The following PGBD5 variants were observed in gnomAD, a reference collection of about 807,000 sequenced individuals.
The protein encoded by PGBD5 is piggyBac transposable element derived 5.
A neutral mutation model predicts 47.9 loss-of-function variants in PGBD5; 14 were observed. The ratio of observed to expected loss-of-function variants is 0.29; its 90% CI spans 0.19 to 0.46. The LOEUF is 0.46. PGBD5 is among the 20% of genes least tolerant of loss of function. The pLI, the probability that PGBD5 is intolerant of heterozygous loss-of-function variation, is 1.00. For synonymous variants in PGBD5, 316 were observed against 306.3 expected, an observed-to-expected ratio of 1.03 and a Z score of -0.33; for missense variants, 635 against 716.0, an observed-to-expected ratio of 0.89 and a Z score of 1.29.
intron 1 of PGBD5, among the ~76,000 whole-genome samples, chr1:230,381,976 T>A (rs1558205972): frequency 6.6e-6 from 1 of 152,042 alleles, no homozygotes; most frequent in Non-Finnish European, 1.5e-5. Flanking sequence ...TTCACAGCTT[T>A]AAAAAAAATT....
chr1:230,334,002 C>T (rs1667263936), intron 4 of PGBD5, among the ~76,000 whole-genome samples: 1 of 152,252 alleles, frequency 6.6e-6, no homozygotes, highest in Admixed American at 6.5e-5. Context: ...GGAGCAGTCT[C>T]AGCCTTTACT....
Position 230,314,551 on chromosome 1 carries a change from G to A in PGBD5, c.*8874C>T, listed in dbSNP as rs1016096233. The A allele has an allele frequency of 2.2e-5, 3 of 137,124 alleles. No individual in the cohort carries two copies. Among genetic ancestry groups the A allele is most frequent in the Non-Finnish European group, 3.1e-5 (2 of 64,192 alleles). The allele number at this position is 137,124 out of a possible 1,614,324, so 8.5% of individuals were successfully genotyped here. On this transcript the variant is annotated 3_prime_UTR_variant, in exon 7 of 7. Coordinates refer to ENST00000391860, the MANE Select transcript of PGBD5 (RefSeq NM_001258311.2). Reference sequence around the variant, plus strand: ...TAAACAAACTTGGTTGAAGAAATAAGAACCACATGACAAAATGCTTGAATT... The same window carrying A: ...TAAACAAACTTGGTTGAAGAAATAAAAACCACATGACAAAATGCTTGAATT...
intron 1 of PGBD5, among the ~76,000 whole-genome samples, chr1:230,380,590 G>A (rs1052167705): frequency 3.3e-5 from 5 of 152,230 alleles, no homozygotes; most frequent in Non-Finnish European, 7.3e-5. Flanking sequence ...CTGTGCATCT[G>A]CAGGAAGGAG....
At chr1:230,404,764 C>A (rs1417932948) in intron 1 of PGBD5, among the ~76,000 whole-genome samples, 1 of 151,194 alleles carries the variant, frequency 6.6e-6, no homozygotes, top group African/African-American at 2.4e-5. Flanking sequence ...GAAATCCCGC[C>A]TCTACCAAAA....
Position 230,425,767 on chromosome 1 carries a change from G to C in PGBD5, c.162C>G (p.Ser54=), listed in dbSNP as rs1657764674. Residue 54 remains serine, a synonymous_variant, in exon 1 of 7, where the codon TCC becomes TCG. Coordinates refer to ENST00000391860, the MANE Select transcript of PGBD5 (RefSeq NM_001258311.2). The surrounding 1 kb of genome is among the most constrained non-coding windows in gnomAD (Gnocchi z 4.7). ...CGTCGTCCGAGGAGGCGGCCGAGGA[G>C]GAGCGCGAGGCGGCCGAGGTGCTGT... The part of the protein sequence containing the change: ...PFYSTSAASR[S]SSAASSDDER... 2.5e-6 allele frequency: 3 copies of C among 1,207,550 alleles called. No homozygotes were observed. Among genetic ancestry groups the C allele is most frequent in the Non-Finnish European group, 3.1e-6 (3 of 970,654 alleles). 74.8% of individuals were successfully genotyped at this position (1,207,550 alleles called of 1,614,324 possible). A position where few individuals can be genotyped will look rare whatever the true frequency, so the allele number is the denominator to read the frequency against.
At chr1:230,350,889 C>T (rs1191557569) in intron 3 of PGBD5, 69 bp downstream of exon 3, 3 of 1,574,084 alleles carry the variant, frequency 1.9e-6, no homozygotes, top group Non-Finnish European at 2.6e-6. Context: ...ATCAGATGAG[C>T]CCAAGTCGCC....
In PGBD5 at chr1:230,317,754, CA is replaced by C. The variant is rs1666972195; in HGVS notation, c.*5670del. 1.3e-5 allele frequency: 2 copies of C among 152,200 alleles called. No individual in the cohort carries two copies. The highest frequency in any genetic ancestry group is 4.8e-5 in the African/African-American group (2 of 41,430). The allele number at this position is 152,200 out of a possible 1,614,324, so 9.4% of individuals were successfully genotyped here. On this transcript the variant is annotated 3_prime_UTR_variant, in exon 7 of 7. Coordinates refer to ENST00000391860, the MANE Select transcript of PGBD5 (RefSeq NM_001258311.2). ...CTCCATCGTCTTCCTAGGTCTTTCA[CA>C]CAAGCCGATGTCCTCCCCGCCCTTT...
At position 230,323,461 on chromosome 1, in the gene PGBD5, C is replaced by G; in HGVS notation, c.1539G>C (p.Glu513Asp). The G allele has an allele frequency of 6.2e-7, 1 of 1,614,132 alleles. No homozygotes were observed. Among genetic ancestry groups the G allele is most frequent in the Non-Finnish European group, 8.5e-7 (1 of 1,179,992 alleles). ...RAQFGERLVR[E>D]LLGLEDASPT... ...GAGAGGCATCCTCCAAGCCCAGCAG[C>G]TCTCTGACGAGTCTCTCTCCAAACT... The change falls in exon 7 of 7, where the codon GAG (glutamate) becomes GAC (aspartate). Residue 513 changes from glutamate (E) to aspartate (D), a missense_variant. By Grantham distance (45) the Glu-to-Asp change is conservative. Transcript: ENST00000391860. The surrounding 1 kb of genome is among the most constrained non-coding windows in gnomAD (Gnocchi z 4.1).
chr1:230,367,817 A>G, intron 1 of PGBD5: 3 of 1,107,176 alleles, frequency 2.7e-6, no homozygotes, highest in Non-Finnish European at 3.6e-6. Flanking sequence ...CATCATATCA[A>G]CCACTACAAA....
At chr1:230,334,045 A>G (rs1471767253) in intron 4 of PGBD5, among the ~76,000 whole-genome samples, 1 of 152,198 alleles carries the variant, frequency 6.6e-6, no homozygotes, top group African/African-American at 2.4e-5. Flanking sequence ...CGACAGTGCC[A>G]TCGGTCACCT....
chr1:230,419,746 CAAAACCCTTT>C (rs1450285476), intron 1 of PGBD5, among the ~76,000 whole-genome samples: 1 of 152,104 alleles, frequency 6.6e-6, no homozygotes, highest in Non-Finnish European at 1.5e-5. Flanking sequence ...CAACAGATAT[CAAAACCCTTT>C]AAAATACGCA....
At chr1:230,403,476 G>A (rs957214255) in intron 1 of PGBD5, among the ~76,000 whole-genome samples, 83 of 152,154 alleles carry the variant, frequency 5.5e-4, no homozygotes, top group African/African-American at 1.9e-3. Flanking sequence ...GTCCAGTGTA[G>A]GGCTTCTTCC....
intron 1 of PGBD5, among the ~76,000 whole-genome samples, chr1:230,418,038 T>C (rs1299447713): frequency 6.6e-6 from 1 of 152,170 alleles, no homozygotes; most frequent in African/African-American, 2.4e-5. Flanking sequence ...GCCAGTAACA[T>C]TCAGTGGGTA....
chr1:230,404,211 A>G (rs1273483870), intron 1 of PGBD5, among the ~76,000 whole-genome samples: 1 of 152,128 alleles, frequency 6.6e-6, no homozygotes, highest in East Asian at 1.9e-4. Context: ...GATACATGCC[A>G]TGAGAAAACA....
intron 3 of PGBD5, among the ~76,000 whole-genome samples, chr1:230,341,826 G>T (rs185738342): frequency 2.2e-4 from 33 of 152,254 alleles, no homozygotes; most frequent in Admixed American, 1.8e-3. Context: ...TCTAGAGCAG[G>T]AAAATGTACC....
intron 1 of PGBD5, among the ~76,000 whole-genome samples, chr1:230,414,706 TTCAGCTGAAATA>T: frequency 6.6e-6 from 1 of 152,270 alleles, no homozygotes; most frequent in Admixed American, 6.5e-5. Context: ...ACACAGGCAA[TTCAGCTGAAATA>T]TCAGCACTAA....
chr1:230,346,836 T>C lies in PGBD5; in HGVS notation c.894+4122A>G, dbSNP rs960238999. Among the ~76,000 whole-genome samples the C allele has an allele frequency of 5.3e-4, 80 of 152,144 alleles. 1 individual carries two copies. The highest frequency in any genetic ancestry group is 1.3e-4 in the Non-Finnish European group (9 of 68,032). On this transcript the variant is annotated intron_variant, in intron 3 of 6. Coordinates refer to ENST00000391860, the MANE Select transcript of PGBD5 (RefSeq NM_001258311.2). ...TATGTCGATGAATATTTTTAACGTG[T>C]CCATCTCTCCTACTGGAGAGGCAGT...
Position 230,357,466 on chromosome 1 carries a change from C to T in PGBD5, c.332-145G>A, listed in dbSNP as rs749984070. 2.3e-6 allele frequency: 2 copies of T among 879,220 alleles called. No individual in the cohort carries two copies. The highest frequency in any genetic ancestry group is 3.4e-6 in the Non-Finnish European group (2 of 586,428). The allele number at this position is 879,220 out of a possible 1,614,324, so 54.5% of individuals were successfully genotyped here. Reference sequence around the variant, plus strand: ...GCTACCGCCTTCCCCTCCAACCTTCCAGAAGCTGCTGCAACCACCTGACAG... The same window carrying T: ...GCTACCGCCTTCCCCTCCAACCTTCTAGAAGCTGCTGCAACCACCTGACAG... On this transcript the variant is annotated intron_variant, in intron 1 of 6. Coordinates refer to ENST00000391860, the MANE Select transcript of PGBD5 (RefSeq NM_001258311.2). This position sits in a 1 kb window ranked among gnomAD's most constrained non-coding sequence, Gnocchi z 5.7.
chr1:230,329,461 T>C (rs559758666), intron 5 of PGBD5, among the ~76,000 whole-genome samples: 5 of 152,232 alleles, frequency 3.3e-5, no homozygotes, highest in East Asian at 1.9e-4. Context: ...GAATATAAGA[T>C]AGAGCTGAGA....
Sources: gnomAD v4.1 joint callset for allele counts (sites outside exome capture counted in the v4.1 genomes callset) on GRCh38, gnomAD v4.1.1 for gene constraint, Gnocchi (gnomAD v3.1) non-coding constraint, MANE v1.5 for transcripts, NCBI Gene and HGNC (gene_info 2026-07-23, HGNC 2026-07-21) for gene names.